Variants in HEXA observed in about 807,000 individuals in gnomAD.
HEXA encodes beta-hexosaminidase subunit alpha.
Under a neutral mutation model 73.3 loss-of-function variants are expected in HEXA, and 54 were observed. The ratio of observed to expected loss-of-function variants is 0.74; its 90% CI spans 0.59 to 0.92. The LOEUF (loss-of-function observed/expected upper bound fraction) is 0.92, where lower values mean the gene tolerates loss of function less well. Ranked by LOEUF, HEXA falls within the 40% of genes least tolerant of loss-of-function variation. HEXA has a pLI of 0.00. For missense variants in HEXA, 649 were observed against 653.0 expected, an observed-to-expected ratio of 0.99 and a Z score of 0.07; for synonymous variants, 230 against 246.9, an observed-to-expected ratio of 0.93 and a Z score of 0.64.
At chr15:72,345,287 A>C in intron 13 of HEXA, 159 bp downstream of exon 13, 1 of 1,405,858 alleles carries the variant, frequency 7.1e-7, no homozygotes, top group Non-Finnish European at 9.5e-7. Flanking sequence ...TTTTTTCCTG[A>C]ATACTTTTTA....
chr15:72,363,697 G>A (rs557163110), intron 1 of HEXA, among the ~76,000 whole-genome samples: 1 of 152,254 alleles, frequency 6.6e-6, no homozygotes, highest in East Asian at 1.9e-4. Context: ...GCCCACAGAT[G>A]AATCCTGAAT....
Position 72,344,136 on chromosome 15 carries a change from C to T in HEXA, c.1531G>A (p.Gly511Ser), listed in dbSNP as rs776140080. ...SHFRCELLRR[G>S]VQAQPLNVGF... ...ACATTGAGGGGTTGGGCCTGGACACCTCGCCTGCAAGAGGACATGAAGAAA... is the reference window on the plus strand; with the variant it reads ...ACATTGAGGGGTTGGGCCTGGACACTTCGCCTGCAAGAGGACATGAAGAAA... The change falls in exon 14 of 14, where the codon GGT (glycine) becomes AGT (serine). Residue 511 changes from glycine (G) to serine (S), a missense_variant. Transcript: ENST00000268097. 6.2e-7 allele frequency: 1 copy of T among 1,613,720 alleles called. No individual in the cohort carries two copies. The highest frequency in any genetic ancestry group is 1.7e-5 in the Admixed American group (1 of 60,014).
intron 2 of HEXA, 103 bp from the exon 3 acceptor site, chr15:72,355,727 G>GT: frequency 1.3e-6 from 1 of 798,138 alleles, no homozygotes; most frequent in South Asian, 1.4e-5. Context: ...AAAAAAAACA[G>GT]TAAGACCATA....
At chr15:72,349,378 C>T in intron 7 of HEXA, 119 bp from the exon 8 acceptor site, 1 of 819,470 alleles carries the variant, frequency 1.2e-6, no homozygotes, top group South Asian at 1.4e-5. Flanking sequence ...ACATCACACA[C>T]ATTTAGGTAG....
chr15:72,374,457 G>GGT (rs1215401115), intron 1 of HEXA, among the ~76,000 whole-genome samples: 2 of 152,038 alleles, frequency 1.3e-5, no homozygotes, highest in Non-Finnish European at 2.9e-5. Context: ...ACTCTCTAAG[G>GGT]GTCATCTGTA....
chr15:72,348,042 C>T lies in HEXA; in HGVS notation c.1073+6G>A. The T allele has an allele frequency of 6.3e-7, 1 of 1,593,894 alleles. No individual in the cohort carries two copies. The highest frequency in any genetic ancestry group is 1.1e-5 in the South Asian group (1 of 90,624). ...GGGACCCCACCCACCCTCCTTCCTTCCTCACGTCTGGATGTAGAAGGACTC... is the reference window on the plus strand; with the variant it reads ...GGGACCCCACCCACCCTCCTTCCTTTCTCACGTCTGGATGTAGAAGGACTC... On this transcript the variant is annotated splice_donor_region_variant and intron_variant, in intron 9 of 13. Transcript: ENST00000268097.
At chr15:72,366,934 C>A (rs542428363) in intron 1 of HEXA, among the ~76,000 whole-genome samples, 1 of 151,970 alleles carries the variant, frequency 6.6e-6, no homozygotes, top group East Asian at 1.9e-4. Flanking sequence ...CTCTTAATTT[C>A]ACTGTTTTTT....
At chr15:72,345,238 T>C (rs1016244855) in intron 13 of HEXA, 4 of 864,040 alleles carry the variant, frequency 4.6e-6, no homozygotes, top group Admixed American at 2.6e-5. Context: ...ATAGTTGTTA[T>C]ACAGTATTTT....
intron 5 of HEXA, 119 bp downstream of exon 5, chr15:72,352,949 C>T (rs2088719843): frequency 5.6e-6 from 4 of 713,830 alleles, no homozygotes; most frequent in Non-Finnish European, 1.0e-5. Flanking sequence ...CAGGCATGAG[C>T]CACCACACCC....
chr15:72,370,526 T>C (rs1289565249), intron 1 of HEXA: 1 of 396,892 alleles, frequency 2.5e-6, no homozygotes, highest in Non-Finnish European at 4.4e-6. Flanking sequence ...CCCCCATCTC[T>C]ACAAAATGCA....
At chr15:72,355,726 AGTAAGACCATATATTTT>A in intron 2 of HEXA, 102 bp from the exon 3 acceptor site, 1 of 804,170 alleles carries the variant, frequency 1.2e-6, no homozygotes, top group Non-Finnish European at 2.2e-6. Flanking sequence ...AAAAAAAAAC[AGTAAGACCATATATTTT>A]AAAAAATCTT....
chr15:72,368,343 A>G (rs986220386), intron 1 of HEXA, among the ~76,000 whole-genome samples: 2 of 152,240 alleles, frequency 1.3e-5, no homozygotes, highest in African/African-American at 4.8e-5. Flanking sequence ...AAGACTGTAC[A>G]GTGACAAAAG....
At chr15:72,373,594 T>A (rs548939927) in intron 1 of HEXA, among the ~76,000 whole-genome samples, 1 of 152,316 alleles carries the variant, frequency 6.6e-6, no homozygotes, top group Admixed American at 6.5e-5. Context: ...TGGCTCTAAA[T>A]CTCTTTTGTT....
At chr15:72,355,711 C>CA in intron 2 of HEXA, 87 bp from the exon 3 acceptor site, 1 of 880,488 alleles carries the variant, frequency 1.1e-6, no homozygotes. Context: ...AATCACTGGA[C>CA]TAAAAAAAAA....
intron 1 of HEXA, 134 bp downstream of exon 1, chr15:72,375,586 T>G: frequency 1.1e-6 from 1 of 917,624 alleles, no homozygotes; most frequent in Non-Finnish European, 1.7e-6. Context: ...CTAATGCAGC[T>G]CGAGGAGGAA....
At chr15:72,373,077 G>A (rs886162328) in intron 1 of HEXA, among the ~76,000 whole-genome samples, 1 of 152,194 alleles carries the variant, frequency 6.6e-6, no homozygotes, top group Non-Finnish European at 1.5e-5. Flanking sequence ...GTTGCAGTGA[G>A]CCAAGATTGT....
intron 10 of HEXA, 93 bp downstream of exon 10, chr15:72,347,593 C>T (rs2088633131): frequency 2.9e-6 from 3 of 1,020,176 alleles, no homozygotes; most frequent in Non-Finnish European, 4.7e-6. Context: ...CAATCCAAAC[C>T]AGGAGGATCA....
rs1272644968 is a variant in HEXA, at chr15:72,353,176, G to T, written c.462C>A (p.Phe154Leu). 3 of 1,567,044 alleles carry T rather than the reference G, an allele frequency of 1.9e-6. No individual in the cohort carries two copies. Among genetic ancestry groups the T allele is most frequent in the African/African-American group, 2.7e-5 (2 of 74,056 alleles). Reference protein sequence around the residue: ...QLVWKSAEGTFFINKTEIEDF... With the variant: ...QLVWKSAEGTLFINKTEIEDF... ...CCTCAATCTCAGTCTTGTTGATAAA[G>T]AACTGTGCAGAACAAACATTGAACA... Residue 154 changes from phenylalanine (F) to leucine (L), a missense_variant and splice_region_variant, in exon 5 of 14, where the codon TTC (phenylalanine) becomes TTA (leucine). Physicochemically the swap from Phe to Leu is conservative, Grantham distance 22. Transcript: ENST00000268097.
At chr15:72,344,935 C>T (rs1278231402) in intron 13 of HEXA, among the ~76,000 whole-genome samples, 1 of 152,232 alleles carries the variant, frequency 6.6e-6, no homozygotes, top group African/African-American at 2.4e-5. Flanking sequence ...AGGTCCTGAA[C>T]TCTGTGCTTC....
Sources: allele counts gnomAD v4.1 joint callset (sites outside exome capture counted in the v4.1 genomes callset), GRCh38; gene constraint gnomAD v4.1.1; transcripts MANE v1.5; gene names NCBI Gene and HGNC (gene_info 2026-07-23, HGNC 2026-07-21).